ADGRG2: variants seen among roughly 807,000 people sequenced by gnomAD.
The protein encoded by ADGRG2 is adhesion G protein-coupled receptor G2, also known as G protein-coupled receptor 64.
In ADGRG2, 26 loss-of-function variants were observed where a neutral mutation model predicts 74.1. That is an observed-to-expected ratio of 0.35 (90% CI 0.26 to 0.49). The LOEUF (loss-of-function observed/expected upper bound fraction) is 0.49. ADGRG2 is among the 20% of genes least tolerant of loss of function. ADGRG2 has a pLI of 0.99. For missense variants in ADGRG2, 619 were observed against 763.1 expected, an observed-to-expected ratio of 0.81 and a Z score of 2.22; for synonymous variants, 296 against 295.2, an observed-to-expected ratio of 1.00 and a Z score of -0.03.
At chrX:19,073,752 G>A (rs1425155038) in intron 2 of ADGRG2, among the ~76,000 whole-genome samples, 1 of 111,668 alleles carries the variant, frequency 9.0e-6, no homozygotes, top group African/African-American at 3.3e-5. Context: ...TGTTATCTCT[G>A]GTTAACTGGC....
intron 9 of ADGRG2, among the ~76,000 whole-genome samples, chrX:19,029,828 G>A (rs746578349): frequency 2.3e-4 from 26 of 110,934 alleles, no homozygotes; most frequent in Non-Finnish European, 4.1e-4. Context: ...GGAATTCGGT[G>A]AACGGAAGAG....
intron 3 of ADGRG2, among the ~76,000 whole-genome samples, chrX:19,065,879 G>A (rs1022629417): frequency 2.7e-5 from 3 of 112,079 alleles, no homozygotes; most frequent in Admixed American, 1.9e-4. Flanking sequence ...TGAGAGTCTC[G>A]CTCTGTCACC....
chrX:19,116,996 G>A (rs149885590), intron 1 of ADGRG2, among the ~76,000 whole-genome samples: 2,479 of 112,035 alleles, frequency 0.022, 54 homozygotes, highest in African/African-American at 0.075. Flanking sequence ...GGACTGAGCT[G>A]AAATATAAAA....
chrX:19,101,712 G>A (rs748014215), intron 1 of ADGRG2, among the ~76,000 whole-genome samples: 7 of 108,862 alleles, frequency 6.4e-5, no homozygotes, highest in Admixed American at 2.0e-4. Flanking sequence ...AAAAAAAAAA[G>A]AAATGTATGA....
chrX:19,027,154 T>C, intron 11 of ADGRG2, 65 bp downstream of exon 11: 1 of 769,675 alleles, frequency 1.3e-6, no homozygotes, highest in South Asian at 2.1e-5. Context: ...ATTGCAAACA[T>C]GGCTCAAAAA....
At chrX:19,020,928 C>A (rs186512670) in intron 14 of ADGRG2, among the ~76,000 whole-genome samples, 176 bp downstream of exon 14, 39 of 108,132 alleles carry the variant, frequency 3.6e-4, no homozygotes, top group Admixed American at 2.8e-3. Flanking sequence ...TGTCACTGAA[C>A]CTGGTGACAG....
At chrX:19,055,397 G>A (rs1248151626) in intron 3 of ADGRG2, among the ~76,000 whole-genome samples, 1 of 112,413 alleles carries the variant, frequency 8.9e-6, no homozygotes, top group Non-Finnish European at 1.9e-5. Flanking sequence ...GTCTATAACT[G>A]TGCTGTCCAA....
chrX:19,090,332 T>C (rs2061998174), intron 1 of ADGRG2, among the ~76,000 whole-genome samples: 1 of 111,627 alleles, frequency 9.0e-6, no homozygotes, highest in Non-Finnish European at 1.9e-5. Flanking sequence ...GTTAAGTGTG[T>C]TCTAGCCCTC....
rs148813591 is a variant in ADGRG2 at position 19,113,068 on chromosome X, A to T, written c.-47+9374T>A. Among the ~76,000 whole-genome samples the T allele has an allele frequency of 4.6e-3, 502 of 108,513 alleles. 4 individuals carry two copies. The highest frequency in any genetic ancestry group is 0.016 in the African/African-American group (477 of 29,789). 94.2% of individuals were successfully genotyped at this position (108,513 alleles called of 115,157 possible). ...TCCAGACTAAAAGAGACTAAGAGAC[A>T]TGACAACTAGATGCAACAACTCTAA... On this transcript the variant is annotated intron_variant, in intron 1 of 28. Coordinates refer to ENST00000379869, the MANE Select transcript of ADGRG2 (RefSeq NM_001079858.3).
intron 2 of ADGRG2, among the ~76,000 whole-genome samples, chrX:19,080,161 C>T (rs1028888217): frequency 9.1e-5 from 10 of 109,940 alleles, no homozygotes; most frequent in Non-Finnish European, 1.5e-4. Flanking sequence ...CCACCCGCCT[C>T]GGCCTCCCAA....
At chrX:19,001,844 T>C (rs1164481037) in intron 24 of ADGRG2, among the ~76,000 whole-genome samples, 1 of 111,466 alleles carries the variant, frequency 9.0e-6, no homozygotes, top group Admixed American at 9.6e-5. Flanking sequence ...TGCTGTTTTC[T>C]AGCTTTGTGA....
intron 3 of ADGRG2, among the ~76,000 whole-genome samples, chrX:19,064,257 T>G (rs1047109852): frequency 8.9e-6 from 1 of 112,366 alleles, no homozygotes; most frequent in African/African-American, 3.2e-5. Context: ...TATAGGTGGC[T>G]TAGCATCGAA....
rs148243905 is a variant in ADGRG2, at chrX:19,069,996, G to A, written c.-1-1161C>T. Among the ~76,000 whole-genome samples, 303 of 112,103 alleles carry A rather than the reference G, an allele frequency of 2.7e-3. 3 individuals carry two copies. In the East Asian group the frequency reaches 0.043, roughly 16 times the overall value. On this transcript the variant is annotated intron_variant, in intron 2 of 28. Transcript: ENST00000379869. ...CGGTAACACATGCCCTCTGGGGCTC[G>A]GGGGTCGCGGGCAACCTGTAGACGC... is the stretch of plus-strand genomic sequence containing the variant.
chrX:19,041,377 C>A (rs1601965190), intron 3 of ADGRG2, among the ~76,000 whole-genome samples: 1 of 111,632 alleles, frequency 9.0e-6, no homozygotes, highest in East Asian at 2.8e-4. Flanking sequence ...TTTATACTAC[C>A]CTTTAGAAGT....
intron 22 of ADGRG2, among the ~76,000 whole-genome samples, chrX:19,005,235 G>T (rs763493616): frequency 5.0e-4 from 56 of 112,483 alleles, no homozygotes; most frequent in Non-Finnish European, 6.9e-4. Flanking sequence ...TTCTATGACT[G>T]TGGGCAACTA....
chrX:19,107,853 C>T (rs1344651299), intron 1 of ADGRG2, among the ~76,000 whole-genome samples: 1 of 109,225 alleles, frequency 9.2e-6, no homozygotes, highest in Non-Finnish European at 1.9e-5. Flanking sequence ...GTAATCCCAG[C>T]ACTTTGGGAG....
chrX:19,014,065 C>A lies in ADGRG2; in HGVS notation c.720G>T (p.Gln240His). Residue 240 changes from glutamine (Q) to histidine (H), a missense_variant, in exon 16 of 29, where the codon CAG becomes CAT. Transcript: ENST00000379869. ...EELEKLQCDL[Q>H]DPIVCLADHP... ...GGTCAGCAAGACAGACAATGGGATC[C>A]TGCAGGTCACTAAAGGAACAAATCA... 8.4e-7 allele frequency: 1 copy of A among 1,196,271 alleles called. No individual in the cohort carries two copies. Among genetic ancestry groups the A allele is most frequent in the Non-Finnish European group, 1.1e-6 (1 of 886,489 alleles).
chrX:18,991,232 C>T, intron 28 of ADGRG2, among the ~76,000 whole-genome samples, 184 bp from the exon 29 acceptor site: 1 of 111,692 alleles, frequency 9.0e-6, no homozygotes, highest in East Asian at 2.8e-4. Context: ...TCAAAGTAAG[C>T]ATACCAAAGT....
At chrX:18,992,441 C>T (rs190608754) in intron 28 of ADGRG2, among the ~76,000 whole-genome samples, 62 of 111,843 alleles carry the variant, frequency 5.5e-4, no homozygotes, top group African/African-American at 1.8e-3. Flanking sequence ...AGGTGTGTGC[C>T]ACCACGTCTG....
Sources: allele counts gnomAD v4.1 joint callset (sites outside exome capture counted in the v4.1 genomes callset), GRCh38; gene constraint gnomAD v4.1.1; transcripts MANE v1.5; gene names NCBI Gene and HGNC (gene_info 2026-07-23, HGNC 2026-07-21).